GALNTL6: variants seen among roughly 807,000 people sequenced by gnomAD.
GALNTL6 encodes polypeptide N-acetylgalactosaminyltransferase-like 6.
Under a neutral mutation model 73.7 loss-of-function variants are expected in GALNTL6, and 46 were observed. The ratio of observed to expected loss-of-function variants is 0.62; its 90% CI spans 0.49 to 0.80. GALNTL6 has a LOEUF of 0.80. GALNTL6 is among the 30% of genes least tolerant of loss of function. The pLI is 0.00. For missense variants in GALNTL6, 604 were observed against 755.0 expected, an observed-to-expected ratio of 0.80 and a Z score of 2.34; for synonymous variants, 259 against 263.7, an observed-to-expected ratio of 0.98 and a Z score of 0.17.
At chr4:172,767,866 CACCATG>C in intron 5 of GALNTL6, among the ~76,000 whole-genome samples, 1 of 152,042 alleles carries the variant, frequency 6.6e-6, no homozygotes, top group South Asian at 2.1e-4. Flanking sequence ...GACGGGGTTT[CACCATG>C]TTGAACAGGA....
rs556687777 is a variant in GALNTL6, at chr4:172,317,890, A to C, written c.386+6138A>C. ...CTTCATTCAACAAGTTTACAAGTGAATTCAGAAGCAAAATAAACTAAAATG... is the reference window on the plus strand; with the variant it reads ...CTTCATTCAACAAGTTTACAAGTGACTTCAGAAGCAAAATAAACTAAAATG... On this transcript the variant is annotated intron_variant, in intron 4 of 12. Coordinates refer to ENST00000506823, the MANE Select transcript of GALNTL6 (RefSeq NM_001034845.3). Among the ~76,000 whole-genome samples the C allele has an allele frequency of 3.7e-4, 56 of 152,342 alleles. 1 individual carries two copies. The South Asian group carries it at 0.011, about 31-fold the overall frequency.
At chr4:172,500,602 T>A (rs898889519) in intron 5 of GALNTL6, among the ~76,000 whole-genome samples, 3 of 152,060 alleles carry the variant, frequency 2.0e-5, no homozygotes, top group Middle Eastern at 3.4e-3. Flanking sequence ...AACTGTGAGT[T>A]CCATGTCTAG....
At chr4:172,995,711 G>T (rs1229638688) in intron 10 of GALNTL6, among the ~76,000 whole-genome samples, 2 of 152,188 alleles carry the variant, frequency 1.3e-5, no homozygotes, top group African/African-American at 4.8e-5. Context: ...GGGAGAAAAA[G>T]AAGAGCTAAA....
intron 5 of GALNTL6, among the ~76,000 whole-genome samples, chr4:172,708,887 A>G (rs544846157): frequency 6.6e-6 from 1 of 152,168 alleles, no homozygotes; most frequent in East Asian, 1.9e-4. Context: ...TTTATTGTGC[A>G]TTTGTTATTT....
rs1160113381 is a variant in GALNTL6 at position 172,167,931 on chromosome 4, A to G, written c.139-61725A>G. Among the ~76,000 whole-genome samples the G allele has an allele frequency of 3.4e-5, 5 of 148,446 alleles. No individual in the cohort carries two copies. The Admixed American group carries it at 3.4e-4, about 10-fold the overall frequency. ...CCGAGATTGCGCCACTGCAGTCCGC[A>G]GTCCGGCCTGGGCAACAGAGCGAGA... On this transcript the variant is annotated intron_variant, in intron 2 of 12. Transcript: ENST00000506823.
intron 5 of GALNTL6, among the ~76,000 whole-genome samples, chr4:172,589,550 T>C (rs1737554310): frequency 6.6e-6 from 1 of 152,226 alleles, no homozygotes; most frequent in South Asian, 2.1e-4. Flanking sequence ...TAGCCACCAA[T>C]TGATCTAATG....
In GALNTL6 at chr4:172,945,662, AAAG is replaced by A. The variant is rs541203134; in HGVS notation, c.1150-6370_1150-6368del. Among the ~76,000 whole-genome samples the A allele has an allele frequency of 5.3e-4, 80 of 152,326 alleles. 1 individual carries two copies. In the South Asian group the frequency reaches 0.016, roughly 31 times the overall value. On this transcript the variant is annotated intron_variant, in intron 9 of 12. Coordinates refer to ENST00000506823, the MANE Select transcript of GALNTL6 (RefSeq NM_001034845.3). ...AGCTAACCCTTGTTCATGACAGCCC[AAAG>A]AAGATAACCACCTACAAACAGCTCA...
intron 2 of GALNTL6, among the ~76,000 whole-genome samples, chr4:171,994,961 C>A (rs1284094921): frequency 2.0e-5 from 3 of 151,818 alleles, no homozygotes; most frequent in African/African-American, 7.3e-5. Flanking sequence ...CCTAAACAAT[C>A]ATTTAATTAA....
At chr4:172,573,568 T>C (rs1736845818) in intron 5 of GALNTL6, among the ~76,000 whole-genome samples, 1 of 152,140 alleles carries the variant, frequency 6.6e-6, no homozygotes. Context: ...ATAAGTGGTA[T>C]GGTAATGTAA....
At chr4:172,637,605 T>C (rs149263827) in intron 5 of GALNTL6, among the ~76,000 whole-genome samples, 47 of 152,288 alleles carry the variant, frequency 3.1e-4, no homozygotes, top group African/African-American at 1.1e-3. Flanking sequence ...AGACTGCCTG[T>C]CAAATTACAA....
In GALNTL6 at chr4:172,224,249, T is replaced by C. The variant is rs116288909; in HGVS notation, c.139-5407T>C. ...GTAAAGTGGGTAAGGTAGGTATTGT[T>C]CTTATTACCCTAATTTCATATGTGA... On this transcript the variant is annotated intron_variant, in intron 2 of 12. Transcript: ENST00000506823. Among the ~76,000 whole-genome samples, 1,217 of 152,268 alleles carry C rather than the reference T, an allele frequency of 8.0e-3. 15 individuals carry two copies. Among genetic ancestry groups the C allele is most frequent in the African/African-American group, 0.028 (1,159 of 41,566 alleles).
At chr4:172,252,799 GA>G (rs1737926597) in intron 3 of GALNTL6, among the ~76,000 whole-genome samples, 1 of 151,874 alleles carries the variant, frequency 6.6e-6, no homozygotes, top group African/African-American at 2.4e-5. Context: ...ACAGTGGGAG[GA>G]AGTCCTTGGT....
At chr4:172,500,959 A>T (rs1339140898) in intron 5 of GALNTL6, among the ~76,000 whole-genome samples, 3 of 152,254 alleles carry the variant, frequency 2.0e-5, no homozygotes, top group African/African-American at 7.2e-5. Context: ...AAATAGTGGT[A>T]AATTGTCAAA....
chr4:172,187,532 T>C (rs963670156), intron 2 of GALNTL6, among the ~76,000 whole-genome samples: 7 of 152,142 alleles, frequency 4.6e-5, no homozygotes, highest in Non-Finnish European at 8.8e-5. Context: ...GACTTCATTT[T>C]TTGACTTAAG....
intron 3 of GALNTL6, among the ~76,000 whole-genome samples, chr4:172,264,672 G>C (rs1560996439): frequency 7.0e-6 from 1 of 143,012 alleles, no homozygotes; most frequent in Non-Finnish European, 1.5e-5. Flanking sequence ...GTATGTATGT[G>C]TATATATATA....
intron 7 of GALNTL6, among the ~76,000 whole-genome samples, chr4:172,841,448 A>G (rs937005269): frequency 1.3e-5 from 2 of 152,184 alleles, no homozygotes; most frequent in Non-Finnish European, 2.9e-5. Context: ...AGGCAGCCCC[A>G]AAGTGTAATC....
intron 3 of GALNTL6, among the ~76,000 whole-genome samples, chr4:172,288,846 A>C (rs530116933): frequency 5.2e-4 from 79 of 152,298 alleles, no homozygotes; most frequent in African/African-American, 1.8e-3. Context: ...TTCAAACATG[A>C]ATTGACCATG....
chr4:172,893,855 T>C (rs1746180665), intron 8 of GALNTL6, among the ~76,000 whole-genome samples: 1 of 152,166 alleles, frequency 6.6e-6, no homozygotes, highest in African/African-American at 2.4e-5. Context: ...CCAATTCAAA[T>C]GTCTCTGAAG....
intron 10 of GALNTL6, among the ~76,000 whole-genome samples, chr4:173,006,445 C>T (rs1365290176): frequency 6.6e-6 from 1 of 152,156 alleles, no homozygotes; most frequent in East Asian, 1.9e-4. Context: ...CAGAGTGTGC[C>T]AGGCTCAAGA....
Sources: gnomAD v4.1 joint callset for allele counts (sites outside exome capture counted in the v4.1 genomes callset) on GRCh38, gnomAD v4.1.1 for gene constraint, MANE v1.5 for transcripts, NCBI Gene and HGNC (gene_info 2026-07-23, HGNC 2026-07-21) for gene names.